The following CDYL2 variants were observed in gnomAD, a reference collection of about 807,000 sequenced individuals.
The protein encoded by CDYL2 is chromodomain Y like 2.
A neutral mutation model predicts 49.4 loss-of-function variants in CDYL2; 23 were observed. That is an observed-to-expected ratio of 0.47 (90% CI 0.34 to 0.66). The LOEUF (loss-of-function observed/expected upper bound fraction) is 0.66. Among genes scored for constraint, CDYL2 ranks in the 30% least tolerant of loss-of-function variants. The probability of loss-of-function intolerance (pLI) is 0.01; values close to 1 mark genes in which losing one functional copy is unlikely to be tolerated. For missense variants in CDYL2, 678 were observed against 656.4 expected, an observed-to-expected ratio of 1.03 and a Z score of -0.36; for synonymous variants, 360 against 268.8, an observed-to-expected ratio of 1.34 and a Z score of -3.32.
intron 1 of CDYL2, among the ~76,000 whole-genome samples, chr16:80,726,650 T>A (rs1905171697): frequency 6.6e-6 from 1 of 152,138 alleles, no homozygotes; most frequent in Non-Finnish European, 1.5e-5. Context: ...CTAATATCAT[T>A]CTCCAATAAA....
intron 2 of CDYL2, among the ~76,000 whole-genome samples, chr16:80,635,316 C>T (rs754885861): frequency 1.4e-4 from 22 of 152,110 alleles, no homozygotes; most frequent in Non-Finnish European, 2.9e-4. Context: ...ATTTAGAAAA[C>T]CCCATCATCT....
chr16:80,801,049 T>G (rs11150314), intron 1 of CDYL2, among the ~76,000 whole-genome samples: 45,067 of 152,104 alleles, frequency 0.3, 6,979 homozygotes, highest in African/African-American at 0.4. Context: ...TTGAGCCAAG[T>G]CAAAATGCGT....
intron 1 of CDYL2, among the ~76,000 whole-genome samples, chr16:80,694,001 CA>C (rs1188082608): frequency 2.0e-5 from 3 of 152,162 alleles, no homozygotes; most frequent in Non-Finnish European, 2.9e-5. Flanking sequence ...AAAATAAAGA[CA>C]AAGTATACAA....
At chr16:80,753,561 T>A (rs1906209484) in intron 1 of CDYL2, among the ~76,000 whole-genome samples, 1 of 152,016 alleles carries the variant, frequency 6.6e-6, no homozygotes, top group Non-Finnish European at 1.5e-5. Context: ...TGAGCCAAGA[T>A]CGTGCCATTG....
chr16:80,701,912 C>T (rs1423410313), intron 1 of CDYL2, among the ~76,000 whole-genome samples: 1 of 152,178 alleles, frequency 6.6e-6, no homozygotes, highest in African/African-American at 2.4e-5. Flanking sequence ...AGCCACTATA[C>T]TTGTGAGTGT....
At chr16:80,688,790 C>T (rs1380011268) in intron 1 of CDYL2, among the ~76,000 whole-genome samples, 1 of 152,148 alleles carries the variant, frequency 6.6e-6, no homozygotes, top group African/African-American at 2.4e-5. Context: ...AGAAAAAGCC[C>T]AAGTCGTTTA....
chr16:80,653,264 G>C (rs1908663838), intron 2 of CDYL2, among the ~76,000 whole-genome samples: 1 of 152,182 alleles, frequency 6.6e-6, no homozygotes, highest in African/African-American at 2.4e-5. Flanking sequence ...TCAGGAGTTT[G>C]AGACCAACCT....
At chr16:80,667,419 T>C (rs1909312240) in intron 2 of CDYL2, among the ~76,000 whole-genome samples, 2 of 152,176 alleles carry the variant, frequency 1.3e-5, no homozygotes, top group South Asian at 4.1e-4. Flanking sequence ...CATCCCTGCC[T>C]TTTTCCTCAG....
chr16:80,676,760 A>C (rs975086734), intron 2 of CDYL2, among the ~76,000 whole-genome samples: 2 of 152,164 alleles, frequency 1.3e-5, no homozygotes, highest in African/African-American at 2.4e-5. Flanking sequence ...TCCAGGTCAT[A>C]CTGACCTCGT....
At chr16:80,747,865 C>G (rs974635339) in intron 1 of CDYL2, among the ~76,000 whole-genome samples, 2 of 152,064 alleles carry the variant, frequency 1.3e-5, no homozygotes, top group African/African-American at 4.8e-5. Context: ...CTACCTCTGC[C>G]CACCTGGAAG....
At chr16:80,750,102 G>A (rs937607949) in intron 1 of CDYL2, among the ~76,000 whole-genome samples, 41 of 151,990 alleles carry the variant, frequency 2.7e-4, no homozygotes, top group Admixed American at 7.2e-4. Flanking sequence ...GGGGGATGGG[G>A]GAGGGACAAC....
At chr16:80,606,585 T>C (rs1906344336) in intron 6 of CDYL2, among the ~76,000 whole-genome samples, 1 of 152,198 alleles carries the variant, frequency 6.6e-6, no homozygotes, top group Admixed American at 6.5e-5. Context: ...TGCTTAGAAT[T>C]TCTACCTGTC....
At chr16:80,719,216 C>A (rs568531983) in intron 1 of CDYL2, among the ~76,000 whole-genome samples, 2 of 152,264 alleles carry the variant, frequency 1.3e-5, no homozygotes, top group East Asian at 3.9e-4. Flanking sequence ...GTTTCTCAAA[C>A]TGGAGTCTGA....
At chr16:80,749,515 C>T (rs926328989) in intron 1 of CDYL2, among the ~76,000 whole-genome samples, 3 of 151,952 alleles carry the variant, frequency 2.0e-5, no homozygotes, top group Admixed American at 6.6e-5. Context: ...GCAAAATCAA[C>T]AGCTAAAAGA....
rs549922612 is a variant in CDYL2 at position 80,629,425 on chromosome 16, G to A, written c.834+3594C>T. 9.2e-5 allele frequency among the ~76,000 whole-genome samples: 14 copies of A among 152,288 alleles called. No individual in the cohort carries two copies. In the East Asian group the frequency reaches 1.5e-3, roughly 17 times the overall value. On this transcript the variant is annotated intron_variant, in intron 3 of 6. Transcript: ENST00000570137. ...GAGACAGGTTTGCACATGGGGCCACGACAAGAGCGGTGTGAAAAGGGACTC... is the reference window on the plus strand; with the variant it reads ...GAGACAGGTTTGCACATGGGGCCACAACAAGAGCGGTGTGAAAAGGGACTC...
intron 1 of CDYL2, among the ~76,000 whole-genome samples, chr16:80,758,687 C>T (rs547795292): frequency 2.6e-5 from 4 of 151,760 alleles, no homozygotes; most frequent in African/African-American, 9.7e-5. Flanking sequence ...GGACTACAGG[C>T]ACCCGCCACC....
In CDYL2 at chr16:80,799,621, T is replaced by C. The variant is rs1220823585; in HGVS notation, c.24+4529A>G. ...TAATAATCACCAGGCCTGAACCACT[T>C]CTTAGCAATTGGCCAGGCTGCAAGG... On this transcript the variant is annotated intron_variant, in intron 1 of 6. Transcript: ENST00000570137. Among the ~76,000 whole-genome samples, 4 of 152,254 alleles carry C rather than the reference T, an allele frequency of 2.6e-5. No individual in the cohort carries two copies. In the East Asian group the frequency reaches 5.8e-4, roughly 22 times the overall value.
At chr16:80,621,069 A>G (rs1907064702) in intron 3 of CDYL2, 134 bp from the exon 4 acceptor site, 6 of 994,796 alleles carry the variant, frequency 6.0e-6, no homozygotes, top group Non-Finnish European at 8.5e-6. Flanking sequence ...CTGTGCAGGG[A>G]GCCTCCCCTG....
intron 3 of CDYL2, among the ~76,000 whole-genome samples, chr16:80,629,095 G>A (rs143064028): frequency 8.4e-4 from 128 of 152,274 alleles, no homozygotes; most frequent in Non-Finnish European, 1.5e-3. Flanking sequence ...ACGATGAGGC[G>A]GGACTGCACC....
Sources: allele counts gnomAD v4.1 joint callset (sites outside exome capture counted in the v4.1 genomes callset), GRCh38; gene constraint gnomAD v4.1.1; transcripts MANE v1.5; gene names NCBI Gene and HGNC (gene_info 2026-07-23, HGNC 2026-07-21).